MTCL2: variants seen among roughly 807,000 people sequenced by gnomAD.
MTCL2 encodes microtubule cross-linking factor 2.
the MTCL2 span, among the ~76,000 whole-genome samples, chr20:36,817,866 G>C: frequency 0.02 from 3,037 of 152,352 alleles, 49 homozygotes; most frequent in Non-Finnish European, 0.03. Context: ...CAGTGAACCA[G>C]GGAGGATGTT....
At chr20:36,801,791 C>T in the MTCL2 span, among the ~76,000 whole-genome samples, 1 of 150,908 alleles carries the variant, frequency 6.6e-6, no homozygotes. Flanking sequence ...CATGGTGAAC[C>T]CCATCTCTAC....
At chr20:36,845,124 A>AC in the MTCL2 span, among the ~76,000 whole-genome samples, 1 of 152,224 alleles carries the variant, frequency 6.6e-6, no homozygotes, top group Non-Finnish European at 1.5e-5. Flanking sequence ...CTGGACCAGT[A>AC]ACATCAGCAT....
the MTCL2 span, among the ~76,000 whole-genome samples, chr20:36,838,731 G>A: frequency 6.6e-6 from 1 of 152,188 alleles, no homozygotes; most frequent in Non-Finnish European, 1.5e-5. Context: ...ACTTTGGGAG[G>A]CCAAGGTGGG....
At chr20:36,831,549 G>A in the MTCL2 span, among the ~76,000 whole-genome samples, 15 of 152,168 alleles carry the variant, frequency 9.9e-5, no homozygotes, top group African/African-American at 3.1e-4. Flanking sequence ...AGCCCAGCTC[G>A]GCACGGACCC....
chr20:36,786,997 CT>C, the MTCL2 span, among the ~76,000 whole-genome samples: 1 of 151,582 alleles, frequency 6.6e-6, no homozygotes, highest in African/African-American at 2.4e-5. Flanking sequence ...CCTTTTTATC[CT>C]TTTTTTTCGT....
At chr20:36,835,132 T>G in the MTCL2 span, among the ~76,000 whole-genome samples, 1 of 152,238 alleles carries the variant, frequency 6.6e-6, no homozygotes, top group Non-Finnish European at 1.5e-5. Flanking sequence ...TATCTCCATT[T>G]TCCATGAGGA....
chr20:36,843,398 T>TG, the MTCL2 span, among the ~76,000 whole-genome samples: 1 of 152,294 alleles, frequency 6.6e-6, no homozygotes, highest in Non-Finnish European at 1.5e-5. Context: ...GTTTGACTCC[T>TG]GGGGCTGCAG....
chr20:36,786,631 C>A, the MTCL2 span: 1 of 1,549,772 alleles, frequency 6.5e-7, no homozygotes, highest in Non-Finnish European at 8.7e-7. Flanking sequence ...CAGTCACAAA[C>A]AGCGTCCTAG....
chr20:36,785,649 G>T, the MTCL2 span: 4 of 985,438 alleles, frequency 4.1e-6, no homozygotes, highest in Non-Finnish European at 4.8e-6. Context: ...TGAGATCAAG[G>T]CAGTGTATTT....
At chr20:36,854,551 T>C in the MTCL2 span, among the ~76,000 whole-genome samples, 30 of 152,180 alleles carry the variant, frequency 2.0e-4, no homozygotes, top group African/African-American at 7.0e-4. Context: ...CCCGCAGAGC[T>C]TGGGCGGGGC....
chr20:36,841,919 A>G, the MTCL2 span, among the ~76,000 whole-genome samples: 36 of 93,424 alleles, frequency 3.9e-4, no homozygotes, highest in East Asian at 1.9e-3. Context: ...GTGTGTGTGT[A>G]TACAGGGTTT....
the MTCL2 span, among the ~76,000 whole-genome samples, chr20:36,829,870 G>A: frequency 6.6e-6 from 1 of 151,948 alleles, no homozygotes; most frequent in Admixed American, 6.6e-5. Context: ...GTGGTGGCAG[G>A]TGCCTGTAAT....
chr20:36,783,648 G>A, the MTCL2 span: 1 of 470,260 alleles, frequency 2.1e-6, no homozygotes, highest in Non-Finnish European at 2.8e-6. Context: ...ACGGGTTCGA[G>A]AAGGGCAGCA....
At chr20:36,857,795 TTGAA>T in the MTCL2 span, among the ~76,000 whole-genome samples, 2 of 152,098 alleles carry the variant, frequency 1.3e-5, no homozygotes, top group African/African-American at 4.8e-5. Flanking sequence ...GAAATATGTG[TTGAA>T]TGAATGAATG....
At chr20:36,828,268 T>C in the MTCL2 span, among the ~76,000 whole-genome samples, 7 of 152,298 alleles carry the variant, frequency 4.6e-5, no homozygotes, top group East Asian at 7.7e-4. Flanking sequence ...CCTAGGCTGA[T>C]GGTTTCTAGC....
chr20:36,810,706 T>TTCTTTCTCTCCCTCTC, the MTCL2 span, among the ~76,000 whole-genome samples: 2 of 60,998 alleles, frequency 3.3e-5, no homozygotes, highest in Non-Finnish European at 7.5e-5. Context: ...CCTCCCCTCC[T>TTCTTTCTCTCCCTCTC]TCTCTCTCTC....
chr20:36,822,237 G>A, the MTCL2 span, among the ~76,000 whole-genome samples: 1 of 152,268 alleles, frequency 6.6e-6, no homozygotes, highest in Non-Finnish European at 1.5e-5. Flanking sequence ...GAGCCCCTTT[G>A]TGGAGCCCCC....
At chr20:36,808,457 C>A in the MTCL2 span, 1 of 1,473,700 alleles carries the variant, frequency 6.8e-7, no homozygotes, top group South Asian at 1.2e-5. Context: ...GCGTCCCTTC[C>A]CTGTCCCTCT....
the MTCL2 span, among the ~76,000 whole-genome samples, chr20:36,856,930 A>G: frequency 6.6e-6 from 1 of 152,152 alleles, no homozygotes; most frequent in African/African-American, 2.4e-5. Flanking sequence ...GGCAAATGCT[A>G]CATGCCTAAT....
Sources: gnomAD v4.1 joint callset for allele counts (sites outside exome capture counted in the v4.1 genomes callset) on GRCh38, gnomAD v4.1.1 for gene constraint, MANE v1.5 for transcripts, NCBI Gene and HGNC (gene_info 2026-07-23, HGNC 2026-07-21) for gene names.